The following STXBP6 variants were observed in gnomAD, a reference collection of about 807,000 sequenced individuals.
STXBP6 encodes the protein syntaxin-binding protein 6.
Under a neutral mutation model 26.9 loss-of-function variants are expected in STXBP6, and 21 were observed. The ratio of observed to expected loss-of-function variants is 0.78; its 90% confidence interval spans 0.55 to 1.12. STXBP6 has a LOEUF of 1.12. Ranked by LOEUF, STXBP6 falls within the 50% of genes most tolerant of loss-of-function variation. The pLI is 0.00. For synonymous variants in STXBP6, 97 were observed against 92.6 expected (o/e 1.05, Z -0.27); for missense variants, 232 against 257.9 (o/e 0.90, Z 0.69).
intron 2 of STXBP6, among the ~76,000 whole-genome samples, chr14:24,933,052 C>A (rs1485984571): frequency 4.6e-5 from 7 of 152,170 alleles, no homozygotes; most frequent in Non-Finnish European, 1.0e-4. Flanking sequence ...TTTGAAGTCA[C>A]ATCACTGGGC....
rs557618119 is a variant in STXBP6, at chr14:25,002,610, C to T, written c.-32-27760G>A. On this transcript the variant is annotated intron_variant, in intron 1 of 5. Transcript: ENST00000323944. ...TCCTGACCTCGTGATCCATGTGCCT[C>T]GGCCTCTCAAAGTGCTGGGATTACA... Among the ~76,000 whole-genome samples, 681 of 152,088 alleles carry T rather than the reference C, an allele frequency of 4.5e-3. 4 individuals carry two copies. Among genetic ancestry groups the T allele is most frequent in the Admixed American group, 8.1e-3 (124 of 15,290 alleles).
At chr14:25,047,731 T>G (rs1051346800) in intron 1 of STXBP6, among the ~76,000 whole-genome samples, 2 of 152,210 alleles carry the variant, frequency 1.3e-5, no homozygotes, top group African/African-American at 2.4e-5. Context: ...GTGTGAACCC[T>G]TTTTAACTGA....
chr14:24,925,013 G>A (rs533626300), intron 2 of STXBP6, among the ~76,000 whole-genome samples: 1 of 152,266 alleles, frequency 6.6e-6, no homozygotes, highest in African/African-American at 2.4e-5. Flanking sequence ...ATGGCTATCA[G>A]GTTTCAGTTT....
Position 25,049,982 on chromosome 14 carries a change from A to G in STXBP6, c.-137T>C, listed in dbSNP as rs1366758096. The stretch of plus-strand genomic sequence containing the variant: ...CCCCGCGCGGGGCTCCGGGCTCCGG[A>G]CAAGGCTTAGCCGGCCCGGGTGCTG... On this transcript the variant is annotated 5_prime_UTR_variant, in exon 1 of 6. Coordinates refer to ENST00000323944, the MANE Select transcript of STXBP6 (RefSeq NM_001394410.1). The surrounding 1 kb of genome is among the most constrained non-coding windows in gnomAD (Gnocchi z 5.6). 5.6e-6 allele frequency: 3 copies of G among 535,384 alleles called. No homozygotes were observed. Among genetic ancestry groups the G allele is most frequent in the African/African-American group, 4.3e-5 (2 of 46,428 alleles). 33.2% of individuals were successfully genotyped at this position (535,384 alleles called of 1,614,324 possible).
chr14:24,898,697 AAAAAAGAAATGG>A (rs1488418864), intron 2 of STXBP6, among the ~76,000 whole-genome samples: 4 of 152,156 alleles, frequency 2.6e-5, no homozygotes, highest in African/African-American at 9.7e-5. Flanking sequence ...AAACAAAACA[AAAAAAGAAATGG>A]CAAGGGATTT....
At chr14:24,960,874 A>ATCTC (rs2073513114) in intron 2 of STXBP6, among the ~76,000 whole-genome samples, 1 of 152,224 alleles carries the variant, frequency 6.6e-6, no homozygotes, top group Admixed American at 6.5e-5. Flanking sequence ...CAATAATCAC[A>ATCTC]TCTCTTTCTC....
intron 2 of STXBP6, among the ~76,000 whole-genome samples, chr14:24,868,677 T>C (rs1028062547): frequency 1.3e-5 from 2 of 152,166 alleles, no homozygotes; most frequent in East Asian, 1.9e-4. Context: ...CTCCAACTGC[T>C]GCAGGTCAAA....
chr14:24,817,267 T>A (rs1294975297), intron 5 of STXBP6: 5 of 152,202 alleles, frequency 3.3e-5, no homozygotes, highest in African/African-American at 1.2e-4. Flanking sequence ...GGTTATCCAA[T>A]CCAGTGTTTG....
rs79406204 is a variant in STXBP6 at position 24,952,855 on chromosome 14, G to A, written c.154+21810C>T. Among the ~76,000 whole-genome samples, 878 of 152,230 alleles carry A rather than the reference G, an allele frequency of 5.8e-3. 2 individuals carry two copies. Among genetic ancestry groups the A allele is most frequent in the Non-Finnish European group, 8.7e-3 (590 of 68,012 alleles). Reference sequence around the variant, plus strand: ...CAGAGGGCATTCCAACTCAGAGGAGGAAACCATACCAGGAAGCTTTTGAGA... The same window carrying A: ...CAGAGGGCATTCCAACTCAGAGGAGAAAACCATACCAGGAAGCTTTTGAGA... On this transcript the variant is annotated intron_variant, in intron 2 of 5. Transcript: ENST00000323944.
rs1416344930 is a variant in STXBP6, at chr14:24,878,158, A to G, written c.155-21001T>C. Among the ~76,000 whole-genome samples, 6 of 152,042 alleles carry G rather than the reference A, an allele frequency of 3.9e-5. No homozygotes were observed. The East Asian group carries it at 1.2e-3, about 29-fold the overall frequency. ...GATTTGAGTATTCTCCCAGTATGGC[A>G]TTTGTCTTTTGACTTATGGGGATTT... On this transcript the variant is annotated intron_variant, in intron 2 of 5. Transcript: ENST00000323944.
chr14:24,920,672 A>G (rs1329059914), intron 2 of STXBP6, among the ~76,000 whole-genome samples: 1 of 152,004 alleles, frequency 6.6e-6, no homozygotes, highest in Non-Finnish European at 1.5e-5. Flanking sequence ...GGACCCTAAG[A>G]AGGATCCTGT....
intron 4 of STXBP6, among the ~76,000 whole-genome samples, chr14:24,855,135 T>A (rs572893310): frequency 1.3e-5 from 2 of 152,194 alleles, no homozygotes; most frequent in Non-Finnish European, 2.9e-5. Flanking sequence ...TATGTTCATA[T>A]GAAACATATA....
At chr14:24,957,422 G>A (rs2073379601) in intron 2 of STXBP6, among the ~76,000 whole-genome samples, 2 of 152,176 alleles carry the variant, frequency 1.3e-5, no homozygotes, top group African/African-American at 4.8e-5. Context: ...TCAAGCTCCT[G>A]GGACTAGAAA....
chr14:24,983,686 CAT>C (rs1305203481), intron 1 of STXBP6, among the ~76,000 whole-genome samples: 3 of 152,142 alleles, frequency 2.0e-5, no homozygotes, highest in Admixed American at 6.5e-5. Flanking sequence ...CAAACAGAAA[CAT>C]AAACTCTCCA....
rs551649721 is a variant in STXBP6, at chr14:24,818,462, C to T, written c.609+575G>A. On this transcript the variant is annotated intron_variant, in intron 5 of 5. Transcript: ENST00000323944. ...GCAGGGAGTATTGCTGACAGCTCAG[C>T]GCTGGTCCGGTCAAGCTCAGAGCCC... Among the ~76,000 whole-genome samples the T allele has an allele frequency of 1.1e-4, 16 of 152,238 alleles. No homozygotes were observed. In the East Asian group the frequency reaches 2.9e-3, roughly 28 times the overall value.
intron 2 of STXBP6, among the ~76,000 whole-genome samples, chr14:24,892,203 T>C (rs200472607): frequency 6.9e-6 from 1 of 145,270 alleles, no homozygotes; most frequent in Non-Finnish European, 1.6e-5. Flanking sequence ...TATACATTAT[T>C]TTTTTTTTTT....
At chr14:24,927,405 T>C (rs2072216594) in intron 2 of STXBP6, among the ~76,000 whole-genome samples, 3 of 152,316 alleles carry the variant, frequency 2.0e-5, no homozygotes, top group East Asian at 1.9e-4. Context: ...CTTTCTAAAA[T>C]AGAGTGAAGT....
intron 2 of STXBP6, among the ~76,000 whole-genome samples, chr14:24,921,607 G>A (rs182757280): frequency 4.7e-4 from 72 of 152,188 alleles, no homozygotes; most frequent in African/African-American, 1.7e-3. Flanking sequence ...GATAACAGGA[G>A]CTCAGTTATT....
At chr14:24,886,021 A>G (rs1330047831) in intron 2 of STXBP6, among the ~76,000 whole-genome samples, 1 of 152,172 alleles carries the variant, frequency 6.6e-6, no homozygotes, top group Admixed American at 6.5e-5. Context: ...TTCTTTCTCT[A>G]TGTTAACACA....
Sources: gnomAD v4.1 joint callset for allele counts (sites outside exome capture counted in the v4.1 genomes callset) on GRCh38, gnomAD v4.1.1 for gene constraint, Gnocchi (gnomAD v3.1) non-coding constraint, MANE v1.5 for transcripts, NCBI Gene and HGNC (gene_info 2026-07-23, HGNC 2026-07-21) for gene names.